The following MEGF10 variants were observed in gnomAD, a reference collection of about 807,000 sequenced individuals.
The protein encoded by MEGF10 is multiple EGF like domains 10.
MEGF10 carries 86 observed loss-of-function variants against 147.5 expected under a neutral mutation model. The observed-to-expected ratio is 0.58, with a 90% CI of 0.49 to 0.70. The LOEUF is 0.70. Ranked by LOEUF, MEGF10 falls within the 30% of genes least tolerant of loss-of-function variation. MEGF10 has a pLI of 0.00. For synonymous variants in MEGF10, 478 were observed against 525.5 expected, an observed-to-expected ratio of 0.91 and a Z score of 1.24; for missense variants, 1,329 against 1,487.3, an observed-to-expected ratio of 0.89 and a Z score of 1.75.
intron 13 of MEGF10, chr5:127,424,561 G>C (rs72790414): frequency 0.013 from 18,389 of 1,392,900 alleles, 152 homozygotes; most frequent in Non-Finnish European, 0.015. Flanking sequence ...AAAATGTTGA[G>C]AGCTTCTTTG....
At chr5:127,349,686 T>A (rs943764330) in intron 4 of MEGF10, among the ~76,000 whole-genome samples, 2 of 150,530 alleles carry the variant, frequency 1.3e-5, no homozygotes. Flanking sequence ...GACTTCCTTT[T>A]TTTTTTTGTT....
chr5:127,352,008 C>T (rs1182034428), intron 4 of MEGF10, among the ~76,000 whole-genome samples: 4 of 152,106 alleles, frequency 2.6e-5, no homozygotes, highest in African/African-American at 4.8e-5. Context: ...TGATCATGTT[C>T]CTTTTATATC....
chr5:127,288,275 C>T (rs778521939), upstream of MEGF10, among the ~76,000 whole-genome samples: 4 of 151,974 alleles, frequency 2.6e-5, no homozygotes, highest in Non-Finnish European at 5.9e-5. Context: ...TTAAAAACTG[C>T]TGTTTGAAAG....
At chr5:127,407,194 C>T (rs936822450) in intron 8 of MEGF10, among the ~76,000 whole-genome samples, 2 of 152,062 alleles carry the variant, frequency 1.3e-5, no homozygotes, top group African/African-American at 4.8e-5. Context: ...TTACATTTCC[C>T]CCAGAGCAGC....
At chr5:127,415,305 C>T (rs572110418) in intron 9 of MEGF10, among the ~76,000 whole-genome samples, 3 of 152,160 alleles carry the variant, frequency 2.0e-5, no homozygotes, top group East Asian at 1.9e-4. Context: ...TTAAAAATGC[C>T]CTGGTTTAGA....
In MEGF10 at chr5:127,419,104, A is replaced by C; in HGVS notation, c.1306-16A>C. 1 of 1,592,984 alleles carries C rather than the reference A, an allele frequency of 6.3e-7. No individual in the cohort carries two copies. The highest frequency in any genetic ancestry group is 2.2e-5 in the East Asian group (1 of 44,614). ...TTGGCAAAATTGAATGCATTTTGCT[A>C]CTTGTGCCTGTCTAGGGAATTGACT... On this transcript the variant is annotated splice_polypyrimidine_tract_variant and intron_variant, in intron 10 of 24. Transcript: ENST00000503335.
chr5:127,255,128 G>C, the MEGF10 span, among the ~76,000 whole-genome samples: 6 of 152,078 alleles, frequency 3.9e-5, no homozygotes, highest in South Asian at 1.2e-3. Context: ...GCCTCTGGGT[G>C]GGGGCTGCAG....
chr5:127,244,833 T>A, the MEGF10 span, among the ~76,000 whole-genome samples: 15 of 151,944 alleles, frequency 9.9e-5, no homozygotes, highest in Non-Finnish European at 2.1e-4. Flanking sequence ...CGTATACTTT[T>A]AAAAAAACAA....
At chr5:127,433,654 T>C in intron 14 of MEGF10, 145 bp downstream of exon 14, 6 of 983,982 alleles carry the variant, frequency 6.1e-6, no homozygotes, top group Non-Finnish European at 8.7e-6. Flanking sequence ...CACTTGTCCT[T>C]TGCAGAACTG....
At chr5:127,363,602 G>A (rs1294930592) in intron 4 of MEGF10, among the ~76,000 whole-genome samples, 1 of 152,150 alleles carries the variant, frequency 6.6e-6, no homozygotes, top group Non-Finnish European at 1.5e-5. Flanking sequence ...GTCACTGCTG[G>A]CCCTGGTACA....
At chr5:127,266,747 C>T in the MEGF10 span, among the ~76,000 whole-genome samples, 43 of 152,210 alleles carry the variant, frequency 2.8e-4, no homozygotes, top group Non-Finnish European at 5.6e-4. Flanking sequence ...TATAAGAATG[C>T]TTGTGATTTT....
chr5:127,426,718 C>T (rs1165705249), intron 13 of MEGF10, among the ~76,000 whole-genome samples: 3 of 152,280 alleles, frequency 2.0e-5, no homozygotes, highest in Middle Eastern at 3.4e-3. Flanking sequence ...GAGTGATATA[C>T]TTTATAAAAG....
chr5:127,284,191 G>A, the MEGF10 span, among the ~76,000 whole-genome samples: 2 of 152,124 alleles, frequency 1.3e-5, no homozygotes, highest in South Asian at 2.1e-4. Context: ...ATCTAGGACT[G>A]GAAGAAGAAG....
intron 24 of MEGF10, among the ~76,000 whole-genome samples, chr5:127,456,755 T>C (rs1766375578): frequency 6.6e-6 from 1 of 152,162 alleles, no homozygotes; most frequent in East Asian, 1.9e-4. Context: ...ATGTTGAGTG[T>C]TTTCATGAAC....
intron 17 of MEGF10, among the ~76,000 whole-genome samples, chr5:127,440,406 G>GT (rs1765712761): frequency 6.6e-6 from 1 of 152,196 alleles, no homozygotes; most frequent in Non-Finnish European, 1.5e-5. Context: ...TAGTAGAAAT[G>GT]TGAAAGAATG....
chr5:127,368,264 G>GT (rs898338377), intron 4 of MEGF10, among the ~76,000 whole-genome samples: 12 of 152,252 alleles, frequency 7.9e-5, no homozygotes, highest in African/African-American at 2.9e-4. Context: ...ATATTATGAG[G>GT]TTGCTAAGCA....
At chr5:127,277,044 C>A in the MEGF10 span, among the ~76,000 whole-genome samples, 1 of 151,996 alleles carries the variant, frequency 6.6e-6, no homozygotes, top group African/African-American at 2.4e-5. Context: ...AGCAAGGGGA[C>A]CAAAGTATCT....
At chr5:127,393,197 A>G (rs994698618) in intron 5 of MEGF10, among the ~76,000 whole-genome samples, 1 of 152,254 alleles carries the variant, frequency 6.6e-6, no homozygotes, top group Non-Finnish European at 1.5e-5. Flanking sequence ...CTGTGAGATT[A>G]GAGTGAGGTG....
upstream of MEGF10, among the ~76,000 whole-genome samples, chr5:127,289,818 G>C (rs1296088127): frequency 6.6e-6 from 1 of 152,182 alleles, no homozygotes. Context: ...AGAGAAGCCT[G>C]GTAGGAGATG....
Sources: allele counts gnomAD v4.1 joint callset (sites outside exome capture counted in the v4.1 genomes callset), GRCh38; gene constraint gnomAD v4.1.1; transcripts MANE v1.5; gene names NCBI Gene and HGNC (gene_info 2026-07-23, HGNC 2026-07-21).